Variants in HADH observed in about 807,000 individuals in gnomAD.
The protein encoded by HADH is hydroxyacyl-CoA dehydrogenase, also known as hydroxyacyl-coenzyme A dehydrogenase, mitochondrial.
HADH carries 24 observed loss-of-function variants against 32.2 expected under a neutral mutation model. That is an observed-to-expected ratio of 0.75 (90% CI 0.54 to 1.05). HADH has a LOEUF of 1.05. Ranked by LOEUF, HADH falls within the 50% of genes least tolerant of loss-of-function variation. The pLI is 0.00. For missense variants in HADH, 350 were observed against 397.1 expected (o/e 0.88, Z 1.01); for synonymous variants, 139 against 152.5 (o/e 0.91, Z 0.65).
Position 107,989,949 on chromosome 4 carries a change from G to A in HADH, c.17G>A (p.Arg6Lys). Residue 6 changes from arginine (R) to lysine (K), a missense_variant, in exon 1 of 8, where the codon AGG (arginine) becomes AAG (lysine). Physicochemically the swap from Arg to Lys is conservative, Grantham distance 26. Transcript: ENST00000309522. ...TGCCACACCATGGCCTTCGTCACCA[G>A]GCAGTTCATGCGTTCCGTGTCCTCC... MAFVT[R>K]QFMRSVSSSS... is the part of the protein sequence containing the mutation. 1 of 1,613,006 alleles carries A rather than the reference G, an allele frequency of 6.2e-7. No homozygotes were observed. Among genetic ancestry groups the A allele is most frequent in the African/African-American group, 1.3e-5 (1 of 75,036 alleles).
intron 3 of HADH, among the ~76,000 whole-genome samples, chr4:108,017,704 G>A (rs537402583): frequency 2.7e-3 from 410 of 152,108 alleles, no homozygotes; most frequent in Non-Finnish European, 4.4e-3. Flanking sequence ...ACAGGCATGC[G>A]CTACCATGCC....
intron 1 of HADH, among the ~76,000 whole-genome samples, chr4:108,006,375 C>G (rs17511019): frequency 0.041 from 6,186 of 152,194 alleles, 134 homozygotes; most frequent in Non-Finnish European, 0.057. Flanking sequence ...GGGCAGTGCT[C>G]AGTATCTGGG....
intron 1 of HADH, among the ~76,000 whole-genome samples, chr4:107,991,720 G>GT (rs1162971050): frequency 1.3e-5 from 2 of 152,176 alleles, no homozygotes; most frequent in Non-Finnish European, 2.9e-5. Context: ...GTTTGAGTAC[G>GT]TTTGTATTCC....
At chr4:108,031,264 T>A (rs1161292450) in intron 6 of HADH, 1 of 152,250 alleles carries the variant, frequency 6.6e-6, no homozygotes, top group Non-Finnish European at 1.5e-5. Context: ...TTGCTTTTTT[T>A]ATATATGCAG....
chr4:108,009,940 T>C, intron 2 of HADH, 53 bp downstream of exon 2: 1 of 1,322,358 alleles, frequency 7.6e-7, no homozygotes, highest in Non-Finnish European at 1.1e-6. Flanking sequence ...TGCTTTACAT[T>C]TGCAGGGCAA....
chr4:108,023,980 G>T, intron 5 of HADH: 1 of 162,952 alleles, frequency 6.1e-6, no homozygotes, highest in East Asian at 1.7e-4. Context: ...TAAATGATAA[G>T]ACAGTGAGAG....
chr4:108,009,975 T>TTA, intron 2 of HADH, 88 bp downstream of exon 2: 204 of 827,384 alleles, frequency 2.5e-4, no homozygotes, highest in Middle Eastern at 4.8e-4. Context: ...CTTTCTTTCT[T>TTA]TCTTTTTTTT....
chr4:107,991,636 T>C (rs941507358), intron 1 of HADH, among the ~76,000 whole-genome samples: 11 of 152,198 alleles, frequency 7.2e-5, no homozygotes, highest in Non-Finnish European at 4.4e-5. Flanking sequence ...CCATAATCTA[T>C]GTTGTATGTG....
intron 1 of HADH, among the ~76,000 whole-genome samples, chr4:107,997,306 A>G (rs1188839564): frequency 5.3e-5 from 8 of 152,210 alleles, no homozygotes; most frequent in Non-Finnish European, 7.3e-5. Flanking sequence ...TGTAATGTCT[A>G]GGCACATGGG....
chr4:108,020,652 G>A (rs1735855108), intron 4 of HADH, among the ~76,000 whole-genome samples: 2 of 152,130 alleles, frequency 1.3e-5, no homozygotes, highest in Admixed American at 6.5e-5. Context: ...CACCTGAAAT[G>A]GGACAACTTG....
At chr4:107,993,473 G>T (rs183458510) in intron 1 of HADH, among the ~76,000 whole-genome samples, 3 of 152,244 alleles carry the variant, frequency 2.0e-5, no homozygotes, top group Admixed American at 2.0e-4. Context: ...ACTTTCTGAC[G>T]TGGTTTTAAT....
chr4:108,027,992 C>T (rs1201863038), intron 6 of HADH: 3 of 599,624 alleles, frequency 5.0e-6, no homozygotes. Context: ...ACTCCCACCA[C>T]CCCCACTACA....
At chr4:108,012,425 C>G (rs6533337) in intron 2 of HADH, among the ~76,000 whole-genome samples, 131,934 of 152,210 alleles carry the variant, frequency 0.87, 58,058 homozygotes, top group East Asian at 0.97. Context: ...CACTCGCCAG[C>G]ATTTTTGCCA....
At position 108,034,933 on chromosome 4, in the gene HADH, CTGTT is replaced by C. The variant is rs1054865973; in HGVS notation, c.*579_*582del. ...TGCTGCTGAATGGGTCAGCATATCT[CTGTT>C]TGCATGGTTTGCAGGAGGTCGGTTT... On this transcript the variant is annotated 3_prime_UTR_variant, in exon 8 of 8. Coordinates refer to ENST00000309522, the MANE Select transcript of HADH (RefSeq NM_005327.7). 2.3e-5 allele frequency: 4 copies of C among 174,284 alleles called. No individual in the cohort carries two copies. Among genetic ancestry groups the C allele is most frequent in the African/African-American group, 4.7e-5 (2 of 42,318 alleles). 10.8% of individuals were successfully genotyped at this position (174,284 alleles called of 1,614,324 possible).
intron 2 of HADH, among the ~76,000 whole-genome samples, chr4:108,012,819 A>G (rs1038765832): frequency 1.3e-5 from 2 of 152,224 alleles, no homozygotes. Flanking sequence ...CTTAGAATAA[A>G]TTTTGCTTCT....
chr4:108,012,053 A>C (rs1735514538), intron 2 of HADH, among the ~76,000 whole-genome samples: 1 of 151,926 alleles, frequency 6.6e-6, no homozygotes. Flanking sequence ...CACCACACCC[A>C]GCTAATTAAA....
chr4:108,010,921 AGCT>A (rs1735469503), intron 2 of HADH, among the ~76,000 whole-genome samples: 1 of 144,264 alleles, frequency 6.9e-6, no homozygotes, highest in South Asian at 2.2e-4. Context: ...GCACAATCTC[AGCT>A]CACCGCAACC....
chr4:108,028,835 T>C, intron 6 of HADH: 2 of 398,598 alleles, frequency 5.0e-6, no homozygotes. Flanking sequence ...TCACTGTCCA[T>C]TTGATGCATT....
chr4:108,020,268 C>G (rs1299962792), intron 4 of HADH, among the ~76,000 whole-genome samples: 2 of 152,040 alleles, frequency 1.3e-5, no homozygotes, highest in East Asian at 1.9e-4. Context: ...CCCAGGGGTT[C>G]AAGAACAGCC....
Sources: gnomAD v4.1 joint callset for allele counts (sites outside exome capture counted in the v4.1 genomes callset) on GRCh38, gnomAD v4.1.1 for gene constraint, MANE v1.5 for transcripts, NCBI Gene and HGNC (gene_info 2026-07-23, HGNC 2026-07-21) for gene names.